The following HACE1 variants were observed in gnomAD, a reference collection of about 807,000 sequenced individuals.
HACE1 encodes E3 ubiquitin-protein ligase HACE1.
HACE1 carries 73 observed loss-of-function variants against 118.4 expected under a neutral mutation model. That is an observed-to-expected ratio of 0.62 (90% CI 0.51 to 0.75). The LOEUF is 0.75. Among genes scored for constraint, HACE1 ranks in the 30% least tolerant of loss-of-function variants. The probability of loss-of-function intolerance (pLI) is 0.00; values close to 1 mark genes in which losing one functional copy is unlikely to be tolerated. For missense variants in HACE1, 749 were observed against 1,102.2 expected (o/e 0.68, Z 4.54); for synonymous variants, 368 against 374.8 (o/e 0.98, Z 0.21).
chr6:104,843,537 A>G (rs2499658), intron 4 of HACE1, among the ~76,000 whole-genome samples: 66,174 of 152,066 alleles, frequency 0.44, 16,033 homozygotes, highest in East Asian at 0.58. Context: ...TTTTCATATC[A>G]TTGGGACAAA....
chr6:104,752,215 G>A (rs1354657316), intron 19 of HACE1, among the ~76,000 whole-genome samples: 1 of 151,966 alleles, frequency 6.6e-6, no homozygotes, highest in African/African-American at 2.4e-5. Flanking sequence ...CTACTATATA[G>A]GAATTAATCA....
intron 6 of HACE1, among the ~76,000 whole-genome samples, chr6:104,827,145 TG>T (rs1278489113): frequency 2.6e-5 from 4 of 152,142 alleles, no homozygotes; most frequent in South Asian, 2.1e-4. Context: ...CCCAATACAC[TG>T]ATAAATTACA....
chr6:104,849,504 A>AT (rs11380259), intron 3 of HACE1, among the ~76,000 whole-genome samples: 110,792 of 137,324 alleles, frequency 0.81, 44,841 homozygotes, highest in East Asian at 0.99. Flanking sequence ...CAATTGGGTA[A>AT]TTTTTTTTTT....
At chr6:104,754,030 C>A (rs1778352184) in intron 19 of HACE1, among the ~76,000 whole-genome samples, 1 of 152,134 alleles carries the variant, frequency 6.6e-6, no homozygotes, top group Non-Finnish European at 1.5e-5. Context: ...CAGGAGCTGA[C>A]AGCCACAACA....
chr6:104,852,205 G>GTGTGTT (rs1166027746), intron 2 of HACE1, 112 bp downstream of exon 2: 7 of 669,174 alleles, frequency 1.0e-5, no homozygotes, highest in Admixed American at 4.3e-5. Flanking sequence ...CTGTCTGTGT[G>GTGTGTT]TGTGTGTGTG....
At position 104,784,453 on chromosome 6, in the gene HACE1, C is replaced by T; in HGVS notation, c.1442G>A (p.Cys481Tyr). The T allele has an allele frequency of 6.2e-7, 1 of 1,612,488 alleles. No individual in the cohort carries two copies. The highest frequency in any genetic ancestry group is 8.5e-7 in the Non-Finnish European group (1 of 1,178,756). ...MTSPRFIEFV[C>Y]KHDEVLKCFV... The stretch of plus-strand genomic sequence containing the variant: ...GCATTTTAAAACTTCATCATGTTTG[C>T]AGACAAATTCAATGAAACGAGGTGA... The change falls in exon 13 of 24, where the codon TGC becomes TAC. Residue 481 changes from cysteine (C) to tyrosine (Y), a missense_variant. By Grantham distance (194) the Cys-to-Tyr change is radical (BLOSUM62 -2). This residue lies in a region of HACE1 where 195 missense variants were observed against 322.1 expected (regional missense o/e 0.61). Transcript: ENST00000262903.
chr6:104,805,880 T>G (rs1770939678), intron 7 of HACE1, among the ~76,000 whole-genome samples: 1 of 151,712 alleles, frequency 6.6e-6, no homozygotes, highest in Admixed American at 6.6e-5. Context: ...AAAAAACAAT[T>G]TAGTACTCAA....
At chr6:104,818,596 C>A (rs1772357118) in intron 6 of HACE1, among the ~76,000 whole-genome samples, 1 of 152,024 alleles carries the variant, frequency 6.6e-6, no homozygotes. Flanking sequence ...AAATGTCAGA[C>A]CAATATCCTT....
chr6:104,801,454 G>A (rs1210547128), intron 7 of HACE1, among the ~76,000 whole-genome samples: 2 of 152,096 alleles, frequency 1.3e-5, no homozygotes, highest in East Asian at 3.9e-4. Context: ...AAAATATTAA[G>A]GGCAGTCAGA....
intron 21 of HACE1, 122 bp downstream of exon 21, chr6:104,744,390 G>C: frequency 1.2e-6 from 1 of 807,512 alleles, no homozygotes; most frequent in Non-Finnish European, 2.2e-6. Flanking sequence ...ATTCCCACAA[G>C]AATAATTTGG....
chr6:104,794,762 G>A (rs750107983), intron 10 of HACE1, among the ~76,000 whole-genome samples: 18 of 152,064 alleles, frequency 1.2e-4, no homozygotes, highest in South Asian at 2.1e-4. Context: ...AAAATTAGCC[G>A]GGCGTGGTGG....
At chr6:104,737,251 C>G (rs1775954894) in intron 22 of HACE1, among the ~76,000 whole-genome samples, 1 of 141,002 alleles carries the variant, frequency 7.1e-6, no homozygotes, top group South Asian at 2.2e-4. Context: ...CCACTGCACT[C>G]CAGCCTGGGG....
At chr6:104,737,595 C>T (rs569376486) in intron 22 of HACE1, among the ~76,000 whole-genome samples, 9 of 152,250 alleles carry the variant, frequency 5.9e-5, no homozygotes, top group African/African-American at 2.2e-4. Flanking sequence ...CGGGTCACTC[C>T]CACCCGAATA....
intron 19 of HACE1, among the ~76,000 whole-genome samples, chr6:104,766,248 T>C (rs976371668): frequency 1.3e-5 from 2 of 152,024 alleles, no homozygotes; most frequent in Non-Finnish European, 2.9e-5. Flanking sequence ...TCTTGGTGTG[T>C]TGAAGAAAAA....
At chr6:104,750,309 G>GAA (rs755702718) in intron 20 of HACE1, 32 bp downstream of exon 20, 2 of 1,576,778 alleles carry the variant, frequency 1.3e-6, no homozygotes, top group African/African-American at 2.7e-5. Context: ...TTGTTGTTGT[G>GAA]TTACAACATA....
At chr6:104,738,886 A>T (rs1776267058) in intron 22 of HACE1, among the ~76,000 whole-genome samples, 1 of 151,408 alleles carries the variant, frequency 6.6e-6, no homozygotes, top group East Asian at 1.9e-4. Context: ...CAAAGCTGAA[A>T]TGAAGGAAAA....
chr6:104,842,226 T>C (rs532678797), intron 5 of HACE1: 2 of 152,410 alleles, frequency 1.3e-5, no homozygotes, highest in Admixed American at 1.3e-4. Context: ...GGATGATTTC[T>C]TGAGCCCAAG....
chr6:104,745,344 T>C (rs1401791374), intron 20 of HACE1, among the ~76,000 whole-genome samples: 2 of 152,130 alleles, frequency 1.3e-5, no homozygotes, highest in African/African-American at 2.4e-5. Flanking sequence ...GAAAAGAGCT[T>C]GTCCACTTCT....
intron 1 of HACE1, among the ~76,000 whole-genome samples, chr6:104,854,173 A>G (rs1776503785): frequency 6.6e-6 from 1 of 152,126 alleles, no homozygotes; most frequent in African/African-American, 2.4e-5. Flanking sequence ...TCCACAAAAC[A>G]CCTGATCAGT....
Sources: allele counts gnomAD v4.1 joint callset (sites outside exome capture counted in the v4.1 genomes callset), GRCh38; gene constraint gnomAD v4.1.1; regional missense constraint gnomAD v4.1.1; transcripts MANE v1.5; gene names NCBI Gene and HGNC (gene_info 2026-07-23, HGNC 2026-07-21).